Variants in ZNF563 observed in about 807,000 individuals in gnomAD.
ZNF563 encodes the protein zinc finger protein 563.
A neutral mutation model predicts 48.5 loss-of-function variants in ZNF563; 39 were observed. The observed-to-expected ratio is 0.80, with a 90% CI of 0.62 to 1.05. The LOEUF (loss-of-function observed/expected upper bound fraction) is 1.05. Among genes scored for constraint, ZNF563 ranks in the 50% least tolerant of loss-of-function variants. The probability of loss-of-function intolerance (pLI) is 0.00; values close to 1 mark genes in which losing one functional copy is unlikely to be tolerated. For synonymous variants in ZNF563, 168 were observed against 187.9 expected, an observed-to-expected ratio of 0.89 and a Z score of 0.87; for missense variants, 538 against 597.0, an observed-to-expected ratio of 0.90 and a Z score of 1.03.
chr19:12,344,856 A>C, the ZNF563 span, among the ~76,000 whole-genome samples: 1 of 152,256 alleles, frequency 6.6e-6, no homozygotes, highest in Non-Finnish European at 1.5e-5. Flanking sequence ...TTTACAGCTT[A>C]TAAAACAAAT....
chr19:12,344,664 G>GAT, the ZNF563 span, among the ~76,000 whole-genome samples: 1 of 152,072 alleles, frequency 6.6e-6, no homozygotes, highest in Non-Finnish European at 1.5e-5. Context: ...AAGAAGACAG[G>GAT]ATGCCCACTT....
upstream of ZNF563, chr19:12,333,655 G>A (rs1417845368): frequency 4.1e-6 from 4 of 969,742 alleles, no homozygotes; most frequent in South Asian, 2.0e-5. Flanking sequence ...TGAGCGCAGG[G>A]GCGTGAAGAC....
At chr19:12,336,625 ATAAT>A (rs1458876550), upstream of ZNF563, among the ~76,000 whole-genome samples, 3 of 152,192 alleles carry the variant, frequency 2.0e-5, no homozygotes, top group Non-Finnish European at 4.4e-5. Context: ...CAACTGGTAA[ATAAT>A]TATTCTGTTG....
chr19:12,318,800 G>A lies in ZNF563; in HGVS notation c.1225C>T (p.Gln409Ter). The A allele has an allele frequency of 2.5e-6, 4 of 1,614,088 alleles. No homozygotes were observed. Among genetic ancestry groups the A allele is most frequent in the Non-Finnish European group, 3.4e-6 (4 of 1,180,020 alleles). ...GKAFVYPSVC[Q>*]RHEKSHSGEK... ...CCACTGTGAGACTTTTCGTGTCTTT[G>A]ACATACACTAGGATAAACAAAAGCT... The change falls in exon 4 of 4, where the codon CAA becomes TAA. Residue 409 changes from glutamine (Q) to a stop codon, truncating the protein, a stop_gained. Transcript: ENST00000293725. LOFTEE classifies it high-confidence loss of function.
intron 1 of ZNF563, 135 bp downstream of exon 1, chr19:12,333,345 C>T: frequency 1.6e-6 from 2 of 1,234,216 alleles, no homozygotes; most frequent in East Asian, 2.6e-5. Context: ...GACCGAGGGT[C>T]GAGCTGCGCC....
Position 12,320,158 on chromosome 19 carries a change from C to T in ZNF563, c.192-325G>A, listed in dbSNP as rs1279192677. 5.9e-5 allele frequency among the ~76,000 whole-genome samples: 9 copies of T among 151,596 alleles called. 1 individual carries two copies. The highest frequency in any genetic ancestry group is 1.5e-5 in the Non-Finnish European group (1 of 67,858). On this transcript the variant is annotated intron_variant, in intron 3 of 3. Transcript: ENST00000293725. ...TTCTCGAACTTCTGACCTCGTGATC[C>T]ACCCCCCCTTGGCCTCCCAAAGTGC...
chr19:12,324,314 G>A (rs911721893), intron 1 of ZNF563, among the ~76,000 whole-genome samples: 1 of 152,016 alleles, frequency 6.6e-6, no homozygotes, highest in Admixed American at 6.6e-5. Context: ...AACCATTATT[G>A]AGCCACTGCA....
intron 1 of ZNF563, among the ~76,000 whole-genome samples, chr19:12,329,288 A>G (rs1968867124): frequency 6.6e-6 from 1 of 152,170 alleles, no homozygotes; most frequent in African/African-American, 2.4e-5. Context: ...CTTGGCCAAC[A>G]TGGTGAAACC....
chr19:12,342,777 A>AT, the ZNF563 span, among the ~76,000 whole-genome samples: 21 of 148,664 alleles, frequency 1.4e-4, no homozygotes, highest in South Asian at 2.7e-3. Context: ...TGTCTCAAAA[A>AT]TTAAAAAAAA....
At chr19:12,343,940 AG>A in the ZNF563 span, among the ~76,000 whole-genome samples, 1 of 151,964 alleles carries the variant, frequency 6.6e-6, no homozygotes, top group Non-Finnish European at 1.5e-5. Flanking sequence ...CGTGTTAGCC[AG>A]GATGGTCCTG....
At chr19:12,338,760 G>A in the ZNF563 span, among the ~76,000 whole-genome samples, 2 of 152,232 alleles carry the variant, frequency 1.3e-5, no homozygotes, top group Non-Finnish European at 2.9e-5. Flanking sequence ...GCTGAGGCAG[G>A]AGAATCGCTT....
upstream of ZNF563, among the ~76,000 whole-genome samples, chr19:12,335,530 T>A (rs954532741): frequency 9.8e-5 from 15 of 152,332 alleles, no homozygotes; most frequent in Non-Finnish European, 1.9e-4. Context: ...CAATAGCTAA[T>A]GAGCTTAAAA....
chr19:12,320,527 G>C (rs1968587901), intron 3 of ZNF563, among the ~76,000 whole-genome samples: 1 of 151,104 alleles, frequency 6.6e-6, no homozygotes, highest in African/African-American at 2.4e-5. Flanking sequence ...TTGAGACGGA[G>C]TCTTGCTCTG....
chr19:12,340,264 G>T, the ZNF563 span, among the ~76,000 whole-genome samples: 1 of 152,148 alleles, frequency 6.6e-6, no homozygotes, highest in Admixed American at 6.5e-5. Flanking sequence ...AACCCATGAG[G>T]CGGAGGTTGC....
the ZNF563 span, among the ~76,000 whole-genome samples, chr19:12,343,725 CTTTTTTTT>C: frequency 2.5e-4 from 28 of 110,864 alleles, no homozygotes; most frequent in Admixed American, 3.7e-4. Context: ...AGCATAAATT[CTTTTTTTT>C]TTTTTTTTTT....
chr19:12,343,726 T>G, the ZNF563 span, among the ~76,000 whole-genome samples: 4 of 116,978 alleles, frequency 3.4e-5, no homozygotes, highest in South Asian at 6.0e-4. Context: ...GCATAAATTC[T>G]TTTTTTTTTT....
At chr19:12,334,904 A>G (rs1969001177), upstream of ZNF563, among the ~76,000 whole-genome samples, 1 of 150,038 alleles carries the variant, frequency 6.7e-6, no homozygotes, top group African/African-American at 2.5e-5. Flanking sequence ...AGGTTACTTT[A>G]AGGTACTGAC....
intron 1 of ZNF563, 136 bp from the exon 2 acceptor site, chr19:12,322,847 C>G (rs1476780304): frequency 1.0e-6 from 1 of 958,046 alleles, no homozygotes; most frequent in South Asian, 1.9e-5. Context: ...CTCATATTCT[C>G]TTTACACTCA....
At chr19:12,333,700 A>C (rs188329503), upstream of ZNF563, 2,998 of 605,158 alleles carry the variant, frequency 5.0e-3, 16 homozygotes, top group Non-Finnish European at 6.4e-3. Context: ...CCCTACTGCC[A>C]GCCGTGCGCC....
Sources: allele counts gnomAD v4.1 joint callset (sites outside exome capture counted in the v4.1 genomes callset), GRCh38; gene constraint gnomAD v4.1.1; transcripts MANE v1.5; gene names NCBI Gene and HGNC (gene_info 2026-07-23, HGNC 2026-07-21).